RNLS: variants seen among roughly 807,000 people sequenced by gnomAD.
RNLS encodes the protein renalase.
RNLS carries 39 observed loss-of-function variants against 39.8 expected under a neutral mutation model. The ratio of observed to expected loss-of-function variants is 0.98; its 90% CI spans 0.76 to 1.28. The LOEUF (loss-of-function observed/expected upper bound fraction) is 1.28, where lower values mean the gene tolerates loss of function less well. RNLS is among the 50% of genes most tolerant of loss of function. The pLI is 0.00. For missense variants in RNLS, 410 were observed against 413.3 expected, an observed-to-expected ratio of 0.99 and a Z score of 0.07; for synonymous variants, 147 against 150.7, an observed-to-expected ratio of 0.98 and a Z score of 0.18.
chr10:88,292,592 C>T (rs1289242289), intron 6 of RNLS, among the ~76,000 whole-genome samples: 1 of 136,150 alleles, frequency 7.3e-6, no homozygotes, highest in East Asian at 2.2e-4. Context: ...AAAAAAAAAA[C>T]CTAGTTGCAA....
rs550398398 is a variant in RNLS at position 88,369,641 on chromosome 10, G to A, written c.527-6916C>T. ...CTAGGTGCCACAACATCCCTGGCTG[G>A]CTGCCTTAACCGTGCCCACTGTTTT... On this transcript the variant is annotated intron_variant, in intron 4 of 6. Coordinates refer to ENST00000331772, the MANE Select transcript of RNLS (RefSeq NM_001031709.3). Among the ~76,000 whole-genome samples, 3 of 152,170 alleles carry A rather than the reference G, an allele frequency of 2.0e-5. No homozygotes were observed. The South Asian group carries it at 6.2e-4, about 32-fold the overall frequency.
At chr10:88,362,767 A>ATCTT in intron 4 of RNLS, 42 bp from the exon 5 acceptor site, 1 of 1,580,850 alleles carries the variant, frequency 6.3e-7, no homozygotes. Context: ...TAAAAATACC[A>ATCTT]TCTTTCCTTT....
At chr10:88,572,782 T>C in intron 4 of RNLS, 121 bp downstream of exon 4, 4 of 1,024,608 alleles carry the variant, frequency 3.9e-6, no homozygotes, top group Non-Finnish European at 5.6e-6. Context: ...TATCAGTTTT[T>C]AAGACAGGCA....
At chr10:88,270,004 C>T (rs529240709), downstream of RNLS, among the ~76,000 whole-genome samples, 19 of 152,256 alleles carry the variant, frequency 1.2e-4, no homozygotes, top group South Asian at 4.1e-4. Flanking sequence ...TGCGTGACCA[C>T]GCCCAGCTTA....
intron 6 of RNLS, among the ~76,000 whole-genome samples, chr10:88,278,678 A>C (rs1214968629): frequency 6.6e-6 from 1 of 152,168 alleles, no homozygotes; most frequent in Non-Finnish European, 1.5e-5. Context: ...ATGGTAGAGC[A>C]ACTCTCCCGC....
chr10:88,177,800 C>T, the RNLS span, among the ~76,000 whole-genome samples: 1 of 152,012 alleles, frequency 6.6e-6, no homozygotes, highest in East Asian at 1.9e-4. Context: ...GGCTTTGATG[C>T]TATGTGAGTG....
chr10:88,305,272 T>C (rs1270566304), intron 6 of RNLS, among the ~76,000 whole-genome samples: 1 of 152,080 alleles, frequency 6.6e-6, no homozygotes, highest in Non-Finnish European at 1.5e-5. Context: ...AGTGACACCA[T>C]AAAGCAACCA....
intron 4 of RNLS, among the ~76,000 whole-genome samples, chr10:88,519,741 T>G (rs567126214): frequency 6.7e-6 from 1 of 149,078 alleles, no homozygotes; most frequent in African/African-American, 2.5e-5. Context: ...ATCACATATA[T>G]ATGATATATA....
chr10:88,532,109 A>C (rs948820653), intron 4 of RNLS, among the ~76,000 whole-genome samples: 1 of 152,088 alleles, frequency 6.6e-6, no homozygotes, highest in South Asian at 2.1e-4. Context: ...AAATTTTAGA[A>C]GAGTTTTTGT....
chr10:88,425,623 A>C (rs1162319225), intron 4 of RNLS, among the ~76,000 whole-genome samples: 2 of 152,130 alleles, frequency 1.3e-5, no homozygotes, highest in Non-Finnish European at 2.9e-5. Context: ...AGTATAAGAC[A>C]TGATCATTGC....
chr10:88,508,910 C>T (rs1000558332), intron 4 of RNLS, among the ~76,000 whole-genome samples: 1 of 152,110 alleles, frequency 6.6e-6, no homozygotes, highest in African/African-American at 2.4e-5. Flanking sequence ...CTATCACTCT[C>T]CACCCATTCT....
chr10:88,310,416 T>C (rs1018259819), intron 6 of RNLS, among the ~76,000 whole-genome samples: 2 of 152,142 alleles, frequency 1.3e-5, no homozygotes, highest in African/African-American at 4.8e-5. Context: ...GTACTTTTTG[T>C]GTTTATGTGT....
rs371493508 is a variant in RNLS, at chr10:88,455,377, A to T, written c.527-92652T>A. 2.6e-5 allele frequency among the ~76,000 whole-genome samples: 4 copies of T among 152,276 alleles called. No homozygotes were observed. In the South Asian group the frequency reaches 6.2e-4, roughly 24 times the overall value. ...ATGCAAGCAAGGAATTCTTCCTGTA[A>T]TTACCTCTAACTACATGGCCTTATA... On this transcript the variant is annotated intron_variant, in intron 4 of 6. Coordinates refer to ENST00000331772, the MANE Select transcript of RNLS (RefSeq NM_001031709.3).
chr10:88,317,003 A>T (rs1042892195), intron 5 of RNLS, among the ~76,000 whole-genome samples: 1 of 152,208 alleles, frequency 6.6e-6, no homozygotes, highest in Non-Finnish European at 1.5e-5. Flanking sequence ...AAATATGTTA[A>T]TAGGATCTAG....
chr10:88,566,319 A>G (rs1410582910), intron 4 of RNLS, among the ~76,000 whole-genome samples: 2 of 152,108 alleles, frequency 1.3e-5, no homozygotes, highest in Non-Finnish European at 2.9e-5. Context: ...TACAAAATGT[A>G]CACAGGAAGT....
chr10:88,291,313 G>A (rs1172546494), intron 6 of RNLS, among the ~76,000 whole-genome samples: 1 of 152,164 alleles, frequency 6.6e-6, no homozygotes, highest in African/African-American at 2.4e-5. Flanking sequence ...TCACCCAAAT[G>A]AGCAGCGTCA....
chr10:88,472,962 A>G (rs1843629305), intron 4 of RNLS, among the ~76,000 whole-genome samples: 1 of 152,282 alleles, frequency 6.6e-6, no homozygotes, highest in East Asian at 1.9e-4. Flanking sequence ...ATGTTCTAAG[A>G]AATATAAGGC....
chr10:88,335,357 G>T (rs772071806), intron 5 of RNLS, among the ~76,000 whole-genome samples: 8 of 151,880 alleles, frequency 5.3e-5, no homozygotes, highest in Non-Finnish European at 1.0e-4. Flanking sequence ...AGCTGGGACT[G>T]CCAGGTGTGT....
chr10:88,558,409 G>A (rs1434613706), intron 4 of RNLS, among the ~76,000 whole-genome samples: 1 of 152,130 alleles, frequency 6.6e-6, no homozygotes, highest in Admixed American at 6.5e-5. Flanking sequence ...ACAAAATTGT[G>A]TTGATATTGG....
Sources: gnomAD v4.1 joint callset for allele counts (sites outside exome capture counted in the v4.1 genomes callset) on GRCh38, gnomAD v4.1.1 for gene constraint, MANE v1.5 for transcripts, NCBI Gene and HGNC (gene_info 2026-07-23, HGNC 2026-07-21) for gene names.